SSBP2: variants seen among roughly 807,000 people sequenced by gnomAD.
SSBP2 encodes single stranded DNA binding protein 2.
SSBP2 carries 17 observed loss-of-function variants against 61.8 expected under a neutral mutation model. The ratio of observed to expected loss-of-function variants is 0.28; its 90% CI spans 0.19 to 0.41. SSBP2 has a LOEUF of 0.41. SSBP2 is among the 10% of genes least tolerant of loss of function. SSBP2 has a pLI of 1.00. For synonymous variants in SSBP2, 139 were observed against 141.3 expected, an observed-to-expected ratio of 0.98 and a Z score of 0.12; for missense variants, 310 against 458.7, an observed-to-expected ratio of 0.68 and a Z score of 2.96.
intron 1 of SSBP2, among the ~76,000 whole-genome samples, chr5:81,680,300 TATATATA>T (rs916283302): frequency 4.7e-5 from 7 of 148,216 alleles, no homozygotes; most frequent in Non-Finnish European, 1.0e-4. Context: ...ATGTGTATAT[TATATATA>T]ATATATAATT....
chr5:81,485,468 A>G (rs896993940), intron 6 of SSBP2, among the ~76,000 whole-genome samples: 4 of 152,186 alleles, frequency 2.6e-5, no homozygotes, highest in Non-Finnish European at 5.9e-5. Context: ...CTGTAGTCTA[A>G]TCATTAGTAA....
chr5:81,417,634 G>A lies in SSBP2; in HGVS notation c.*2870C>T, dbSNP rs938447410. On this transcript the variant is annotated 3_prime_UTR_variant, in exon 17 of 17. Coordinates refer to ENST00000320672, the MANE Select transcript of SSBP2 (RefSeq NM_012446.5). ...TAAATAGTCTTATTACAAGAAAAAA[G>A]GATAAGGGTTAAATGATTCAAAATC... 6.6e-6 allele frequency: 1 copy of A among 152,012 alleles called. No homozygotes were observed. The highest frequency in any genetic ancestry group is 1.5e-5 in the Non-Finnish European group (1 of 67,992). 9.4% of individuals were successfully genotyped at this position (152,012 alleles called of 1,614,324 possible).
chr5:81,543,156 A>C (rs1771436669), intron 4 of SSBP2, among the ~76,000 whole-genome samples: 1 of 152,098 alleles, frequency 6.6e-6, no homozygotes. Flanking sequence ...TGCCCGGCCA[A>C]CATGCTTATA....
At chr5:81,564,911 C>A (rs1308063284) in intron 4 of SSBP2, among the ~76,000 whole-genome samples, 1 of 152,274 alleles carries the variant, frequency 6.6e-6, no homozygotes, top group South Asian at 2.1e-4. Flanking sequence ...CAAAGAAGCA[C>A]AACTTTGTAT....
chr5:81,453,456 CTTT>C (rs34761912), intron 10 of SSBP2, among the ~76,000 whole-genome samples: 7 of 112,132 alleles, frequency 6.2e-5, no homozygotes, highest in Non-Finnish European at 6.9e-5. Flanking sequence ...TGGGTTTATT[CTTT>C]TTTTTTTTTT....
chr5:81,471,139 A>G (rs758755362), intron 8 of SSBP2, among the ~76,000 whole-genome samples: 47 of 151,848 alleles, frequency 3.1e-4, no homozygotes, highest in Admixed American at 9.8e-4. Flanking sequence ...CCATCATATT[A>G]TATAGAAATA....
chr5:81,536,626 T>C (rs1770824458), intron 4 of SSBP2, among the ~76,000 whole-genome samples: 1 of 152,158 alleles, frequency 6.6e-6, no homozygotes, highest in African/African-American at 2.4e-5. Context: ...AGTAGCTTTA[T>C]TCACAATTGC....
At chr5:81,679,980 T>G (rs527792856) in intron 1 of SSBP2, among the ~76,000 whole-genome samples, 13 of 151,110 alleles carry the variant, frequency 8.6e-5, no homozygotes, top group African/African-American at 2.7e-4. Context: ...AAGCAAATTT[T>G]CTCTCTCTGC....
chr5:81,430,718 C>A (rs548191360), intron 15 of SSBP2, among the ~76,000 whole-genome samples: 43 of 90,074 alleles, frequency 4.8e-4, no homozygotes, highest in South Asian at 2.0e-3. Flanking sequence ...GCATTATACT[C>A]TTCTGTGTGT....
At chr5:81,610,152 C>T (rs867329341) in intron 4 of SSBP2, among the ~76,000 whole-genome samples, 6 of 152,086 alleles carry the variant, frequency 3.9e-5, no homozygotes, top group East Asian at 1.9e-4. Context: ...GTAGGTGGGC[C>T]GAGTGGGTGG....
chr5:81,634,718 C>A lies in SSBP2; in HGVS notation c.197+1839G>T, dbSNP rs961865373. ...AATTTCCAACATAATGAATTTCTTT[C>A]TTTTCTTCCCATGTGCTATACTCTC... is the stretch of plus-strand genomic sequence containing the variant. On this transcript the variant is annotated intron_variant, in intron 3 of 16. Transcript: ENST00000320672. Among the ~76,000 whole-genome samples, 5 of 152,176 alleles carry A rather than the reference C, an allele frequency of 3.3e-5. No individual in the cohort carries two copies. The East Asian group carries it at 9.6e-4, about 29-fold the overall frequency.
intron 4 of SSBP2, among the ~76,000 whole-genome samples, chr5:81,544,293 C>A (rs985263290): frequency 2.0e-5 from 3 of 152,252 alleles, no homozygotes; most frequent in African/African-American, 7.2e-5. Flanking sequence ...GTGATCCGCC[C>A]CCCTCAGCCA....
intron 5 of SSBP2, among the ~76,000 whole-genome samples, chr5:81,494,179 T>A (rs1386389902): frequency 6.6e-6 from 1 of 152,174 alleles, no homozygotes; most frequent in Non-Finnish European, 1.5e-5. Context: ...TATTACATCA[T>A]CCCTATTTGA....
chr5:81,478,384 A>G (rs931480848), intron 6 of SSBP2, among the ~76,000 whole-genome samples: 7 of 152,188 alleles, frequency 4.6e-5, no homozygotes, highest in Admixed American at 3.9e-4. Flanking sequence ...TCTATCACCC[A>G]GGCTGGAGTG....
chr5:81,670,757 C>T (rs1365353298), intron 1 of SSBP2, among the ~76,000 whole-genome samples: 1 of 152,158 alleles, frequency 6.6e-6, no homozygotes, highest in African/African-American at 2.4e-5. Flanking sequence ...TTTAAATCTA[C>T]TTTGCTTTAC....
chr5:81,714,139 T>C (rs1418759451), intron 1 of SSBP2, among the ~76,000 whole-genome samples: 1 of 152,212 alleles, frequency 6.6e-6, no homozygotes, highest in African/African-American at 2.4e-5. Flanking sequence ...CTTCCACTTA[T>C]AACTGAGAAC....
chr5:81,489,542 A>G (rs1766696995), intron 5 of SSBP2, among the ~76,000 whole-genome samples: 1 of 152,202 alleles, frequency 6.6e-6, no homozygotes, highest in Non-Finnish European at 1.5e-5. Flanking sequence ...AAAGCTGGCT[A>G]AAGTAACTAT....
At chr5:81,513,268 TA>T (rs1167602291) in intron 5 of SSBP2, among the ~76,000 whole-genome samples, 2 of 152,152 alleles carry the variant, frequency 1.3e-5, no homozygotes, top group Non-Finnish European at 2.9e-5. Context: ...AGCCAAATCT[TA>T]ATCATCTTGT....
At chr5:81,743,110 T>G (rs1282837420) in intron 1 of SSBP2, among the ~76,000 whole-genome samples, 1 of 152,162 alleles carries the variant, frequency 6.6e-6, no homozygotes, top group South Asian at 2.1e-4. Flanking sequence ...CCTTAGGGTT[T>G]GAAAGATAAA....
Sources: gnomAD v4.1 joint callset for allele counts (sites outside exome capture counted in the v4.1 genomes callset) on GRCh38, gnomAD v4.1.1 for gene constraint, MANE v1.5 for transcripts, NCBI Gene and HGNC (gene_info 2026-07-23, HGNC 2026-07-21) for gene names.